SUGP2: variants seen among roughly 807,000 people sequenced by gnomAD.
SUGP2 encodes the protein SURP and G-patch domain containing 2, also known as SURP and G-patch domain-containing protein 2.
Under a neutral mutation model 90.5 loss-of-function variants are expected in SUGP2, and 24 were observed. The ratio of observed to expected loss-of-function variants is 0.27; its 90% CI spans 0.19 to 0.37. The LOEUF is 0.37. Among genes scored for constraint, SUGP2 ranks in the 10% least tolerant of loss-of-function variants. SUGP2 has a pLI of 1.00. For synonymous variants in SUGP2, 473 were observed against 513.4 expected, an observed-to-expected ratio of 0.92 and a Z score of 1.06; for missense variants, 1,233 against 1,363.3, an observed-to-expected ratio of 0.90 and a Z score of 1.51.
intron 4 of SUGP2, among the ~76,000 whole-genome samples, chr19:19,018,135 T>A (rs889906631): frequency 6.6e-6 from 1 of 152,014 alleles, no homozygotes; most frequent in Non-Finnish European, 1.5e-5. Context: ...GCATTATTTG[T>A]TGCCACTGGA....
At chr19:18,995,430 C>T in intron 8 of SUGP2, 150 bp from the exon 9 acceptor site, 1 of 932,382 alleles carries the variant, frequency 1.1e-6, no homozygotes, top group Non-Finnish European at 1.5e-6. Context: ...TTCCCCAGTT[C>T]TCTGCAACAT....
chr19:19,019,217 C>G lies in SUGP2; in HGVS notation c.1742G>C (p.Arg581Pro), dbSNP rs186157014. The stretch of plus-strand genomic sequence containing the variant: ...GGTGCCCACTACCCTGTGATCTGCT[C>G]GCTGGGGGACAGCTGGAACACACAG... ...PSSLSDAVPQ[R>P]ADHRVVGTID... is the part of the protein sequence containing the mutation. The change falls in exon 4 of 11, where the codon CGA becomes CCA. Residue 581 changes from arginine to proline, a missense_variant. By Grantham distance (103) the Arg-to-Pro change is moderately radical. This residue lies in a region of SUGP2 where 540 missense variants were observed against 542.6 expected (regional missense o/e 1.00). Coordinates refer to ENST00000452918, the MANE Select transcript of SUGP2 (RefSeq NM_001017392.5). 4 of 1,613,124 alleles carry G rather than the reference C, an allele frequency of 2.5e-6. No individual in the cohort carries two copies. In the East Asian group the frequency reaches 8.9e-5, roughly 36 times the overall value.
At position 19,010,465 on chromosome 19, in the gene SUGP2, C is replaced by T. The variant is rs192218995; in HGVS notation, c.1851-123G>A. 1,071 of 1,328,002 alleles carry T rather than the reference C, an allele frequency of 8.1e-4. 2 individuals carry two copies. The highest frequency in any genetic ancestry group is 2.5e-3 in the Admixed American group (120 of 48,764). The allele number at this position is 1,328,002 out of a possible 1,614,324, so 82.3% of individuals were successfully genotyped here. ...TCACTGTCCTCTCCTGTCTCAGAGG[C>T]TCTGCCTGGCTCTACTGAGGACCCA... On this transcript the variant is annotated intron_variant, in intron 4 of 10. Transcript: ENST00000452918.
rs946327252 is a variant in SUGP2, at chr19:18,993,169, T to C, written c.*572A>G. On this transcript the variant is annotated 3_prime_UTR_variant, in exon 11 of 11. Transcript: ENST00000452918. ...TAAAATTTCATTAAGTCTCTCAAGA[T>C]GCATTGATGAGATGAGACACCATGA... 8 of 152,222 alleles carry C rather than the reference T, an allele frequency of 5.3e-5. No homozygotes were observed. Among genetic ancestry groups the C allele is most frequent in the African/African-American group, 1.7e-4 (7 of 41,452 alleles). 9.4% of individuals were successfully genotyped at this position (152,222 alleles called of 1,614,324 possible).
chr19:19,016,573 G>T (rs2058510028), intron 4 of SUGP2, among the ~76,000 whole-genome samples: 1 of 152,152 alleles, frequency 6.6e-6, no homozygotes, highest in Non-Finnish European at 1.5e-5. Context: ...GCTTGCATCT[G>T]TCAATCTGAC....
chr19:19,012,325 A>T (rs1792964492), intron 4 of SUGP2, among the ~76,000 whole-genome samples: 1 of 152,182 alleles, frequency 6.6e-6, no homozygotes, highest in African/African-American at 2.4e-5. Context: ...GCAACTCCTC[A>T]TCAAGGGCAG....
At chr19:19,030,927 T>TACA (rs765600293) in intron 2 of SUGP2, 24 bp downstream of exon 2, 1 of 1,600,242 alleles carries the variant, frequency 6.2e-7, no homozygotes, top group South Asian at 1.1e-5. Flanking sequence ...AAACAACAAC[T>TACA]ACAACAACAA....
At chr19:19,018,894 GAGA>G (rs997143534) in intron 4 of SUGP2, among the ~76,000 whole-genome samples, 1 of 152,176 alleles carries the variant, frequency 6.6e-6, no homozygotes, top group African/African-American at 2.4e-5. Flanking sequence ...TCACAGGTGA[GAGA>G]AGGCCACCCA....
chr19:19,031,188 A>G lies in SUGP2; in HGVS notation c.-11-106T>C, dbSNP rs552583404. 3.0e-4 allele frequency: 372 copies of G among 1,229,574 alleles called. No individual in the cohort carries two copies. The African/African-American group carries it at 4.9e-3, about 16-fold the overall frequency. The allele number at this position is 1,229,574 out of a possible 1,614,324, so 76.2% of individuals were successfully genotyped here. On this transcript the variant is annotated intron_variant, in intron 1 of 10. Coordinates refer to ENST00000452918, the MANE Select transcript of SUGP2 (RefSeq NM_001017392.5). ...TTTGGGAGGTCGAGGTGGGCGGATC[A>G]CCTGAGCTCAGGAGTTCGAGACCAG...
Position 18,991,774 on chromosome 19 carries a change from AAGG to A in SUGP2, c.*1964_*1966del, listed in dbSNP as rs1377710839. On this transcript the variant is annotated 3_prime_UTR_variant, in exon 11 of 11. Transcript: ENST00000452918. ...GAGGGGTCAGGAAAGGAGAAGGAGAAAGGAGAAGATGAACCCCCCGCACCTGTG... is the reference window on the plus strand; with the variant it reads ...GAGGGGTCAGGAAAGGAGAAGGAGAAAGAAGATGAACCCCCCGCACCTGTG... The A allele has an allele frequency of 6.6e-6, 1 of 152,354 alleles. No individual in the cohort carries two copies. The highest frequency in any genetic ancestry group is 6.6e-5 in the Admixed American group (1 of 15,250). The allele number at this position is 152,354 out of a possible 1,614,324, so 9.4% of individuals were successfully genotyped here.
At position 19,004,423 on chromosome 19, in the gene SUGP2, G is replaced by C. The variant is rs1239656528; in HGVS notation, c.2674C>G (p.Pro892Ala). 6.2e-7 allele frequency: 1 copy of C among 1,614,158 alleles called. No individual in the cohort carries two copies. The highest frequency in any genetic ancestry group is 1.3e-5 in the African/African-American group (1 of 75,052). Residue 892 changes from proline to alanine, a missense_variant, in exon 7 of 11, where the codon CCT (proline) becomes GCT (alanine). By Grantham distance (27) the Pro-to-Ala change is conservative. Coordinates refer to ENST00000452918, the MANE Select transcript of SUGP2 (RefSeq NM_001017392.5). ...EAELESPEVM[P>A]EEEDEDDEDG... ...TCATCGTCCTCGTCCTCCTCCTCAGGCATCACCTCTGGGCTCTCCAGCTCA... is the reference window on the plus strand; with the variant it reads ...TCATCGTCCTCGTCCTCCTCCTCAGCCATCACCTCTGGGCTCTCCAGCTCA...
In SUGP2 at chr19:19,025,346, T is replaced by C. The variant is rs1392974321; in HGVS notation, c.1002A>G (p.Lys334=). The change falls in exon 3 of 11, where the codon AAA becomes AAG. Residue 334 remains lysine (K), a synonymous_variant. Transcript: ENST00000452918. ...VFSRFGIEII[K]WAGFHTIKDD... is the part of the protein sequence containing the mutation. ...CTTTTATGGTGTGGAATCCTGCCCA[T>C]TTGATTATTTCTATCCCAAATCTTG... 1 of 1,614,102 alleles carries C rather than the reference T, an allele frequency of 6.2e-7. No homozygotes were observed. Among genetic ancestry groups the C allele is most frequent in the Admixed American group, 1.7e-5 (1 of 59,988 alleles).
At chr19:19,002,879 T>C (rs2057900467) in intron 7 of SUGP2, among the ~76,000 whole-genome samples, 1 of 152,096 alleles carries the variant, frequency 6.6e-6, no homozygotes, top group African/African-American at 2.4e-5. Context: ...AATAAAAAAC[T>C]CCACCTCCCC....
At chr19:19,031,483 G>A (rs1331730330) in intron 1 of SUGP2, among the ~76,000 whole-genome samples, 15 of 150,544 alleles carry the variant, frequency 1.0e-4, no homozygotes, top group Admixed American at 6.6e-4. Context: ...GCAGTGGGCC[G>A]AGATCATGCC....
intron 9 of SUGP2, 65 bp downstream of exon 9, chr19:18,995,079 C>T (rs749298165): frequency 7.7e-5 from 122 of 1,575,502 alleles, no homozygotes; most frequent in Non-Finnish European, 1.0e-4. Context: ...AGGAGCCAAG[C>T]GGCAGGCTGC....
Position 19,010,079 on chromosome 19 carries a change from G to T in SUGP2, c.2114C>A (p.Ser705Tyr). The T allele has an allele frequency of 6.2e-7, 1 of 1,613,850 alleles. No homozygotes were observed. Among genetic ancestry groups the T allele is most frequent in the Non-Finnish European group, 8.5e-7 (1 of 1,180,002 alleles). Reference protein sequence around the residue: ...RATTGTQTLLSSGTRLKHHGR... With the variant: ...RATTGTQTLLYSGTRLKHHGR... ...GTGGTGTTTCAGCCTGGTGCCTGAG[G>T]ATAGGAGGGTCTGGGTCCCGGTGGT... Residue 705 changes from serine (S) to tyrosine (Y), a missense_variant, in exon 5 of 11, where the codon TCC (serine) becomes TAC (tyrosine). Ser to Tyr is a moderately radical substitution (Grantham distance 144). Transcript: ENST00000452918.
chr19:19,023,129 A>G (rs988478416), intron 3 of SUGP2, among the ~76,000 whole-genome samples: 1 of 152,160 alleles, frequency 6.6e-6, no homozygotes, highest in Admixed American at 6.5e-5. Context: ...TAGCAGGTGT[A>G]CTTAAGTGAT....
Position 18,991,046 on chromosome 19 carries a change from T to C in SUGP2, c.*2695A>G, listed in dbSNP as rs1045825255. 6.6e-6 allele frequency: 1 copy of C among 152,080 alleles called. No individual in the cohort carries two copies. The highest frequency in any genetic ancestry group is 1.5e-5 in the Non-Finnish European group (1 of 68,030). 9.4% of individuals were successfully genotyped at this position (152,080 alleles called of 1,614,324 possible). On this transcript the variant is annotated 3_prime_UTR_variant, in exon 11 of 11. Coordinates refer to ENST00000452918, the MANE Select transcript of SUGP2 (RefSeq NM_001017392.5). ...AAGGACCAAAAACACTACAATTCTC[T>C]AAGTGATTTCCAGTGATGGAAACAA...
intron 8 of SUGP2, chr19:18,998,925 G>A (rs2057721680): frequency 6.6e-6 from 1 of 152,408 alleles, no homozygotes; most frequent in South Asian, 2.1e-4. Context: ...AGAACCCACC[G>A]GCTGAGATGA....
Sources: allele counts gnomAD v4.1 joint callset (sites outside exome capture counted in the v4.1 genomes callset), GRCh38; gene constraint gnomAD v4.1.1; regional missense constraint gnomAD v4.1.1; transcripts MANE v1.5; gene names NCBI Gene and HGNC (gene_info 2026-07-23, HGNC 2026-07-21).